The following AP5M1 variants were observed in gnomAD, a reference collection of about 807,000 sequenced individuals.
AP5M1 encodes the protein AP-5 complex subunit mu-1.
AP5M1 carries 44 observed loss-of-function variants against 52.3 expected under a neutral mutation model. The ratio of observed to expected loss-of-function variants is 0.84; its 90% CI spans 0.66 to 1.08. The LOEUF (loss-of-function observed/expected upper bound fraction) is 1.08, where lower values mean the gene tolerates loss of function less well. Ranked by LOEUF, AP5M1 falls within the 50% of genes least tolerant of loss-of-function variation. The pLI, the probability that AP5M1 is intolerant of heterozygous loss-of-function variation, is 0.00. For missense variants in AP5M1, 526 were observed against 568.4 expected, an observed-to-expected ratio of 0.93 and a Z score of 0.76; for synonymous variants, 213 against 199.0, an observed-to-expected ratio of 1.07 and a Z score of -0.59.
intron 1 of AP5M1, among the ~76,000 whole-genome samples, chr14:57,273,458 G>T (rs780935569): frequency 4.6e-5 from 7 of 152,104 alleles, no homozygotes; most frequent in Non-Finnish European, 1.0e-4. Flanking sequence ...CTGGACTTTG[G>T]AGTGGAGGCA....
At chr14:57,278,572 T>C (rs1885094104) in intron 2 of AP5M1, 1 of 152,198 alleles carries the variant, frequency 6.6e-6, no homozygotes, top group Admixed American at 6.5e-5. Context: ...CCAGACTACA[T>C]AGGGAAGAAG....
chr14:57,286,361 G>T, intron 7 of AP5M1, 42 bp downstream of exon 7: 5 of 1,260,800 alleles, frequency 4.0e-6, no homozygotes, highest in South Asian at 1.2e-5. Flanking sequence ...GAATTAAAAT[G>T]GTGTTTGCAG....
In AP5M1 at chr14:57,286,109, T is replaced by C. The variant is rs2139696455; in HGVS notation, c.1294-114T>C. 3 of 684,016 alleles carry C rather than the reference T, an allele frequency of 4.4e-6. No homozygotes were observed. In the East Asian group the frequency reaches 7.6e-5, roughly 17 times the overall value. 42.4% of individuals were successfully genotyped at this position (684,016 alleles called of 1,614,324 possible). A position where few individuals can be genotyped will look rare whatever the true frequency, so the allele number is the denominator to read the frequency against. On this transcript the variant is annotated intron_variant, in intron 6 of 7. Coordinates refer to ENST00000261558, the MANE Select transcript of AP5M1 (RefSeq NM_018229.4). ...ATTCAAGTTTAGTACTTGTGGTTTT[T>C]ATTTTGTGAACTGTGTAAAATAAAT...
chr14:57,296,021 T>C lies in AP5M1; in HGVS notation c.*7137T>C, dbSNP rs1354626967. 1 of 152,014 alleles carries C rather than the reference T, an allele frequency of 6.6e-6. No homozygotes were observed. Among genetic ancestry groups the C allele is most frequent in the African/African-American group, 2.4e-5 (1 of 41,428 alleles). 9.4% of individuals were successfully genotyped at this position (152,014 alleles called of 1,614,324 possible). A position where few individuals can be genotyped will look rare whatever the true frequency, so the allele number is the denominator to read the frequency against. ...AGCCATTGAACAATAGATGTACCAA[T>C]TTGACCTTTAAAAGTTCAATCTTTA... is the stretch of plus-strand genomic sequence containing the variant. On this transcript the variant is annotated 3_prime_UTR_variant, in exon 8 of 8. Coordinates refer to ENST00000261558, the MANE Select transcript of AP5M1 (RefSeq NM_018229.4).
intron 2 of AP5M1, among the ~76,000 whole-genome samples, chr14:57,276,568 C>G (rs1885040556): frequency 6.7e-6 from 1 of 148,904 alleles, no homozygotes. Flanking sequence ...GAGCTATACT[C>G]TGTCTTAAAA....
chr14:57,282,631 A>G (rs1885210741), intron 4 of AP5M1, among the ~76,000 whole-genome samples: 1 of 152,216 alleles, frequency 6.6e-6, no homozygotes, highest in South Asian at 2.1e-4. Context: ...GTCAAAATAT[A>G]TCTACATATA....
At chr14:57,275,109 T>C (rs916094470) in intron 2 of AP5M1, 10 of 568,634 alleles carry the variant, frequency 1.8e-5, no homozygotes, top group African/African-American at 3.8e-5. Flanking sequence ...GTCCCCAAAA[T>C]AGACATTTAT....
intron 6 of AP5M1, among the ~76,000 whole-genome samples, chr14:57,283,828 A>C (rs1410832571): frequency 3.3e-5 from 5 of 152,178 alleles, no homozygotes; most frequent in Non-Finnish European, 5.9e-5. Flanking sequence ...TCTACAAAAA[A>C]TAGAAAAATC....
At position 57,269,231 on chromosome 14, in the gene AP5M1, G is replaced by T; in HGVS notation, c.-84G>T. On this transcript the variant is annotated 5_prime_UTR_variant, in exon 1 of 8. Transcript: ENST00000261558. ...GGATGAGCCTCAGGGCTTCTGTTAA[G>T]AGTCTGTCTGAGAAAGCCGGTCTGC... 7.6e-7 allele frequency: 1 copy of T among 1,315,590 alleles called. No individual in the cohort carries two copies. The highest frequency in any genetic ancestry group is 1.1e-6 in the Non-Finnish European group (1 of 919,788). 81.5% of individuals were successfully genotyped at this position (1,315,590 alleles called of 1,614,324 possible).
At position 57,274,605 on chromosome 14, in the gene AP5M1, CA is replaced by C; in HGVS notation, c.443del (p.Asn148MetfsTer5). ...FGIQDFLYSGQKNDSELNTKL... is the reference protein window; with the variant it reads ...FGIQDFLYSGXKNDSELNTKL... ...GATACAGGATTTTCTTTATTCAGGT[CA>C]AAAAAATGACTCTGAGCTGAATACA... On this transcript the variant is annotated frameshift_variant, in exon 2 of 8. Coordinates refer to ENST00000261558, the MANE Select transcript of AP5M1 (RefSeq NM_018229.4). LOFTEE classifies it high-confidence loss of function. The C allele has an allele frequency of 6.2e-7, 1 of 1,613,908 alleles. No homozygotes were observed. Among genetic ancestry groups the C allele is most frequent in the South Asian group, 1.1e-5 (1 of 91,058 alleles).
chr14:57,298,150 T>C lies in AP5M1; in HGVS notation c.*9266T>C, dbSNP rs1357481590. ...TTCCGAAACTCACTCTACAACAGCTTTGTGGGCTCCCTACTATTTACTAGA... is the reference window on the plus strand; with the variant it reads ...TTCCGAAACTCACTCTACAACAGCTCTGTGGGCTCCCTACTATTTACTAGA... On this transcript the variant is annotated 3_prime_UTR_variant, in exon 8 of 8. Transcript: ENST00000261558. 3 of 152,122 alleles carry C rather than the reference T, an allele frequency of 2.0e-5. No individual in the cohort carries two copies. Among genetic ancestry groups the C allele is most frequent in the Admixed American group, 2.0e-4 (3 of 15,240 alleles). 9.4% of individuals were successfully genotyped at this position (152,122 alleles called of 1,614,324 possible).
At chr14:57,286,390 T>C in intron 7 of AP5M1, 71 bp downstream of exon 7, 1 of 983,076 alleles carries the variant, frequency 1.0e-6, no homozygotes, top group Non-Finnish European at 1.6e-6. Flanking sequence ...TAAGGTAAAA[T>C]TTGAATGTAA....
rs1373208268 is a variant in AP5M1, at chr14:57,288,810, C to G, written c.1399C>G (p.Leu467Val). ...CTTTTTCTTTTCTTTAGACCGGAAA[C>G]TAATTTCTTCTGATTATTACATCTG... Reference protein sequence around the residue: ...GKPKISAHRKLISSDYYIWNS... With the variant: ...GKPKISAHRKVISSDYYIWNS... The change falls in exon 8 of 8, where the codon CTA (leucine) becomes GTA (valine). Residue 467 changes from leucine (L) to valine (V), a missense_variant. Leu to Val is a conservative substitution (Grantham distance 32). Transcript: ENST00000261558. 1.9e-6 allele frequency: 3 copies of G among 1,580,826 alleles called. No individual in the cohort carries two copies. The highest frequency in any genetic ancestry group is 2.3e-5 in the South Asian group (2 of 88,218).
rs747223845 is a variant in AP5M1 at position 57,297,862 on chromosome 14, A to C, written c.*8978A>C. Reference sequence around the variant, plus strand: ...GATGTTTGAGTAATTAGGGTTTTGCATGTGTATATAGAAAGGCTATTTTGC... The same window carrying C: ...GATGTTTGAGTAATTAGGGTTTTGCCTGTGTATATAGAAAGGCTATTTTGC... On this transcript the variant is annotated 3_prime_UTR_variant, in exon 8 of 8. Coordinates refer to ENST00000261558, the MANE Select transcript of AP5M1 (RefSeq NM_018229.4). The C allele has an allele frequency of 6.6e-6, 1 of 152,152 alleles. No homozygotes were observed. The highest frequency in any genetic ancestry group is 2.1e-4 in the South Asian group (1 of 4,826). 9.4% of individuals were successfully genotyped at this position (152,152 alleles called of 1,614,324 possible).
Position 57,269,375 on chromosome 14 carries a change from G to A in AP5M1, c.61G>A (p.Val21Met). The change falls in exon 1 of 8, where the codon GTG (valine) becomes ATG (methionine). Residue 21 changes from valine (V) to methionine (M), a missense_variant. Val to Met is a conservative substitution (Grantham distance 21). Coordinates refer to ENST00000261558, the MANE Select transcript of AP5M1 (RefSeq NM_018229.4). ...HEPGTPLCGT[V>M]RFSRRYPTVE... ...ACCGGGAACTCCACTTTGTGGCACCGTGAGATTCTCCAGGTAAATGCAAAT... is the reference window on the plus strand; with the variant it reads ...ACCGGGAACTCCACTTTGTGGCACCATGAGATTCTCCAGGTAAATGCAAAT... 6.2e-7 allele frequency: 1 copy of A among 1,614,124 alleles called. No individual in the cohort carries two copies. The highest frequency in any genetic ancestry group is 8.5e-7 in the Non-Finnish European group (1 of 1,179,978).
In AP5M1 at chr14:57,281,171, A is replaced by G. The variant is rs375287778; in HGVS notation, c.948+749A>G. 2.0e-4 allele frequency among the ~76,000 whole-genome samples: 30 copies of G among 152,296 alleles called. No individual in the cohort carries two copies. In the South Asian group the frequency reaches 5.8e-3, roughly 29 times the overall value. On this transcript the variant is annotated intron_variant, in intron 3 of 7. Transcript: ENST00000261558. ...TTTTCTCTAGTACTGTAGTACTGCTAACAACCTTTAGATTAAACATTATCC... is the reference window on the plus strand; with the variant it reads ...TTTTCTCTAGTACTGTAGTACTGCTGACAACCTTTAGATTAAACATTATCC...
chr14:57,273,801 A>G (rs897569013), intron 1 of AP5M1: 2 of 695,060 alleles, frequency 2.9e-6, no homozygotes, highest in African/African-American at 3.5e-5. Flanking sequence ...CAACTAATGA[A>G]TCCAAAATTA....
chr14:57,284,000 T>A (rs1463574990), intron 6 of AP5M1, among the ~76,000 whole-genome samples: 2 of 152,154 alleles, frequency 1.3e-5, no homozygotes, highest in South Asian at 2.1e-4. Context: ...AACAAAAAAA[T>A]TGAGATTTGT....
intron 7 of AP5M1, among the ~76,000 whole-genome samples, chr14:57,287,112 G>A (rs1158658748): frequency 2.0e-5 from 3 of 151,674 alleles, no homozygotes; most frequent in African/African-American, 7.3e-5. Flanking sequence ...ATGTAACATC[G>A]AATAGTAGCT....
Sources: gnomAD v4.1 joint callset for allele counts (sites outside exome capture counted in the v4.1 genomes callset) on GRCh38, gnomAD v4.1.1 for gene constraint, MANE v1.5 for transcripts, NCBI Gene and HGNC (gene_info 2026-07-23, HGNC 2026-07-21) for gene names.